Variants in CDKL4 observed in about 807,000 individuals in gnomAD.
CDKL4 encodes the protein cyclin dependent kinase like 4, also known as cyclin-dependent kinase-like 4.
CDKL4 carries 44 observed loss-of-function variants against 42.0 expected under a neutral mutation model. The observed-to-expected ratio is 1.05, with a 90% CI of 0.82 to 1.35. The LOEUF is 1.35. Among genes scored for constraint, CDKL4 ranks in the 40% most tolerant of loss-of-function variants. CDKL4 has a pLI of 0.00. For missense variants in CDKL4, 393 were observed against 369.9 expected, an observed-to-expected ratio of 1.06 and a Z score of -0.51; for synonymous variants, 120 against 121.6, an observed-to-expected ratio of 0.99 and a Z score of 0.09.
intron 1 of CDKL4, among the ~76,000 whole-genome samples, chr2:39,234,138 C>T (rs571902387): frequency 6.6e-6 from 1 of 152,166 alleles, no homozygotes; most frequent in East Asian, 1.9e-4. Context: ...CGGTCTCGAT[C>T]TCCTGACCTC....
chr2:39,216,862 T>C (rs1677950272), intron 3 of CDKL4, among the ~76,000 whole-genome samples: 1 of 152,146 alleles, frequency 6.6e-6, no homozygotes, highest in Non-Finnish European at 1.5e-5. Context: ...AGTAATTTCA[T>C]AGGATGTTAA....
At position 39,213,387 on chromosome 2, in the gene CDKL4, A is replaced by T. The variant is rs1677702113; in HGVS notation, c.363+13T>A. The stretch of plus-strand genomic sequence containing the variant: ...TGAAGAAATGAATAAATACATTAGA[A>T]AATGTTACTTACGTTATGTATATGA... On this transcript the variant is annotated intron_variant, in intron 4 of 9. Transcript: ENST00000451199. 3 of 1,501,398 alleles carry T rather than the reference A, an allele frequency of 2.0e-6. No homozygotes were observed. The highest frequency in any genetic ancestry group is 2.8e-6 in the Non-Finnish European group (3 of 1,082,256). 93.0% of individuals were successfully genotyped at this position (1,501,398 alleles called of 1,614,324 possible).
the CDKL4 span, among the ~76,000 whole-genome samples, chr2:39,169,265 T>TTAATGAGTG: frequency 3.9e-5 from 6 of 152,222 alleles, no homozygotes; most frequent in South Asian, 4.1e-4. Flanking sequence ...CCTATTTTAT[T>TTAATGAGTG]TACACTCATT....
rs543049399 is a variant in CDKL4 at position 39,211,017 on chromosome 2, T to C, written c.363+2383A>G. ...TCCTAGACTGCTATGATAGACATTCTGCTGGCATCAAAACTGACCATATGG... is the reference window on the plus strand; with the variant it reads ...TCCTAGACTGCTATGATAGACATTCCGCTGGCATCAAAACTGACCATATGG... On this transcript the variant is annotated intron_variant, in intron 4 of 9. Transcript: ENST00000451199. Among the ~76,000 whole-genome samples the C allele has an allele frequency of 3.6e-4, 55 of 152,340 alleles. 1 individual carries two copies. Among genetic ancestry groups the C allele is most frequent in the African/African-American group, 1.3e-3 (52 of 41,590 alleles).
At chr2:39,198,066 A>G (rs1339832201) in intron 5 of CDKL4, among the ~76,000 whole-genome samples, 2 of 152,122 alleles carry the variant, frequency 1.3e-5, no homozygotes, top group Non-Finnish European at 2.9e-5. Context: ...AAATTCACCA[A>G]CCAAGTATCT....
At chr2:39,228,451 T>C (rs1489748603) in intron 2 of CDKL4, among the ~76,000 whole-genome samples, 2 of 152,200 alleles carry the variant, frequency 1.3e-5, no homozygotes, top group African/African-American at 4.8e-5. Flanking sequence ...GTGATAATTA[T>C]TATCCTCCCT....
rs1320443682 is a variant in CDKL4, at chr2:39,226,043, T to C, written c.169-83A>G. ...CAGACCCCTTAAAGAAACTTAAAGTTGGAAGAAATTTAAGATTCATCCAAT... is the reference window on the plus strand; with the variant it reads ...CAGACCCCTTAAAGAAACTTAAAGTCGGAAGAAATTTAAGATTCATCCAAT... On this transcript the variant is annotated intron_variant, in intron 2 of 9. Coordinates refer to ENST00000451199, the Ensembl canonical transcript of CDKL4. The C allele has an allele frequency of 3.3e-5, 45 of 1,349,372 alleles. No homozygotes were observed. In the South Asian group the frequency reaches 5.4e-4, roughly 16 times the overall value. The allele number at this position is 1,349,372 out of a possible 1,614,324, so 83.6% of individuals were successfully genotyped here.
At chr2:39,218,398 G>A (rs1678074377) in intron 3 of CDKL4, among the ~76,000 whole-genome samples, 1 of 152,140 alleles carries the variant, frequency 6.6e-6, no homozygotes, top group African/African-American at 2.4e-5. Context: ...CTGCTCAGGA[G>A]ACTGAGGCAG....
chr2:39,171,831 G>T (rs771578060), downstream of CDKL4, among the ~76,000 whole-genome samples: 1 of 152,194 alleles, frequency 6.6e-6, no homozygotes. Flanking sequence ...CACTCACCAT[G>T]ATGGCGCAGT....
At chr2:39,182,555 G>T (rs1675496873) in intron 8 of CDKL4, among the ~76,000 whole-genome samples, 1 of 152,150 alleles carries the variant, frequency 6.6e-6, no homozygotes, top group Admixed American at 6.5e-5. Context: ...TTAATCAGAG[G>T]TGTTCCCTGT....
chr2:39,171,813 G>C (rs1318683865), downstream of CDKL4, among the ~76,000 whole-genome samples: 1 of 152,350 alleles, frequency 6.6e-6, no homozygotes, highest in East Asian at 1.9e-4. Context: ...GGAGTGTTCA[G>C]GCGGCGTCAC....
At chr2:39,175,958 A>G (rs1415379776) in exon 10 of CDKL4, 1 of 461,704 alleles carries the variant, frequency 2.2e-6, no homozygotes, top group Non-Finnish European at 4.5e-6. Flanking sequence ...CAAAATGTGT[A>G]CATATTAAAT....
upstream of CDKL4, among the ~76,000 whole-genome samples, chr2:39,245,231 A>G (rs758798671): frequency 6.6e-5 from 10 of 152,018 alleles, no homozygotes; most frequent in South Asian, 6.2e-4. Context: ...CACCGCGAAG[A>G]TCTGCAGCTT....
chr2:39,171,383 T>C (rs984639057), downstream of CDKL4, among the ~76,000 whole-genome samples: 2 of 152,086 alleles, frequency 1.3e-5, no homozygotes, highest in Non-Finnish European at 2.9e-5. Flanking sequence ...AAGAACTTAG[T>C]TTTTACCCTT....
At chr2:39,175,865 G>C (rs17023372) in exon 10 of CDKL4, 25,100 of 367,350 alleles carry the variant, frequency 0.068, 1,352 homozygotes, top group Admixed American at 0.16. Flanking sequence ...GCAATGATCA[G>C]AGCAAAACAA....
chr2:39,241,125 T>G (rs1679638321), intron 1 of CDKL4, among the ~76,000 whole-genome samples: 1 of 152,226 alleles, frequency 6.6e-6, no homozygotes, highest in South Asian at 2.1e-4. Flanking sequence ...GATATCAGTT[T>G]CCTGATTTTG....
chr2:39,185,867 G>T (rs1675803317), intron 7 of CDKL4, among the ~76,000 whole-genome samples: 1 of 152,190 alleles, frequency 6.6e-6, no homozygotes, highest in African/African-American at 2.4e-5. Flanking sequence ...ATGTCTTGCA[G>T]TTGATGCTGG....
chr2:39,174,968 G>A (rs1051819391), downstream of CDKL4, among the ~76,000 whole-genome samples: 14 of 151,990 alleles, frequency 9.2e-5, no homozygotes, highest in South Asian at 8.3e-4. Flanking sequence ...ATGTATATAC[G>A]TATGTATGTC....
intron 1 of CDKL4, among the ~76,000 whole-genome samples, chr2:39,237,285 A>G (rs1385197310): frequency 1.3e-5 from 2 of 152,244 alleles, no homozygotes; most frequent in Admixed American, 1.3e-4. Context: ...CCATATTAAT[A>G]GAATAAAAGA....
Sources: allele counts gnomAD v4.1 joint callset (sites outside exome capture counted in the v4.1 genomes callset), GRCh38; gene constraint gnomAD v4.1.1; transcripts MANE v1.5; gene names NCBI Gene and HGNC (gene_info 2026-07-23, HGNC 2026-07-21).